The following PCDH11X variants were observed in gnomAD, a reference collection of about 807,000 sequenced individuals.
PCDH11X encodes the protein protocadherin-11 X-linked.
A neutral mutation model predicts 53.3 loss-of-function variants in PCDH11X; 18 were observed. The ratio of observed to expected loss-of-function variants is 0.34; its 90% CI spans 0.23 to 0.50. The LOEUF is 0.50. PCDH11X is among the 20% of genes least tolerant of loss of function. The pLI, the probability that PCDH11X is intolerant of heterozygous loss-of-function variation, is 0.98. For missense variants in PCDH11X, 570 were observed against 1,032.4 expected, an observed-to-expected ratio of 0.55 and a Z score of 6.14; for synonymous variants, 279 against 393.3, an observed-to-expected ratio of 0.71 and a Z score of 3.44.
chrX:92,060,543 G>A (rs993083742), intron 6 of PCDH11X, among the ~76,000 whole-genome samples: 7 of 109,765 alleles, frequency 6.4e-5, no homozygotes, highest in African/African-American at 2.3e-4. Flanking sequence ...GTGTCCATGT[G>A]TATTCAATGA....
chrX:92,277,428 G>A (rs905185577), intron 8 of PCDH11X, among the ~76,000 whole-genome samples: 17 of 110,691 alleles, frequency 1.5e-4, no homozygotes, highest in Non-Finnish European at 2.1e-4. Context: ...GTTTTAGGTC[G>A]GGTGTGAGTT....
At chrX:92,444,518 T>C (rs1429392819) in intron 9 of PCDH11X, among the ~76,000 whole-genome samples, 1 of 108,817 alleles carries the variant, frequency 9.2e-6, no homozygotes, top group Non-Finnish European at 1.9e-5. Context: ...TCCTATTTGG[T>C]TGACTTTTGT....
intron 6 of PCDH11X, among the ~76,000 whole-genome samples, chrX:91,999,719 T>C (rs1471604712): frequency 9.2e-6 from 1 of 109,222 alleles, no homozygotes; most frequent in East Asian, 2.9e-4. Context: ...TGGAATCAGA[T>C]GGTGAGAAGA....
At chrX:92,248,823 T>C (rs1216849578) in intron 7 of PCDH11X, among the ~76,000 whole-genome samples, 1 of 110,862 alleles carries the variant, frequency 9.0e-6, no homozygotes, top group Non-Finnish European at 1.9e-5. Context: ...TGCCTCTGCC[T>C]CCTGAGTAGC....
intron 8 of PCDH11X, among the ~76,000 whole-genome samples, chrX:92,292,060 G>A (rs2068504820): frequency 9.0e-6 from 1 of 111,292 alleles, no homozygotes; most frequent in South Asian, 3.7e-4. Flanking sequence ...AATAAAATGT[G>A]GACCATAATA....
intron 6 of PCDH11X, among the ~76,000 whole-genome samples, chrX:92,134,975 AGG>A (rs2065060533): frequency 9.0e-6 from 1 of 111,109 alleles, no homozygotes; most frequent in Non-Finnish European, 1.9e-5. Flanking sequence ...GCAGCCCAGT[AGG>A]ACTCAGTCTC....
chrX:92,185,334 T>G (rs1048753044), intron 6 of PCDH11X, among the ~76,000 whole-genome samples: 3 of 111,385 alleles, frequency 2.7e-5, no homozygotes, highest in Non-Finnish European at 3.8e-5. Context: ...ACTAGACTCA[T>G]ATCTCGCCAT....
intron 6 of PCDH11X, among the ~76,000 whole-genome samples, chrX:91,964,415 A>G (rs2061836569): frequency 9.0e-6 from 1 of 110,944 alleles, no homozygotes; most frequent in African/African-American, 3.3e-5. Context: ...CTTGCCTAAG[A>G]CTTGTTATTT....
intron 8 of PCDH11X, among the ~76,000 whole-genome samples, chrX:92,370,301 C>T (rs1265653954): frequency 9.3e-6 from 1 of 107,126 alleles, no homozygotes; most frequent in East Asian, 2.9e-4. Context: ...GTATTAATTA[C>T]TATTAGTTTT....
chrX:91,786,271 C>A (rs1935331589), intron 1 of PCDH11X, among the ~76,000 whole-genome samples: 1 of 107,730 alleles, frequency 9.3e-6, no homozygotes, highest in Admixed American at 1.0e-4. Context: ...TTTTGTACAC[C>A]TAATCTGCTC....
intron 10 of PCDH11X, among the ~76,000 whole-genome samples, chrX:92,592,761 C>T (rs1221770676): frequency 9.0e-6 from 1 of 111,552 alleles, no homozygotes; most frequent in Non-Finnish European, 1.9e-5. Context: ...GATTCAAATG[C>T]CAGAAATATT....
rs866638207 is a variant in PCDH11X at position 92,466,463 on chromosome X, G to T, written c.3344-1836G>T. Among the ~76,000 whole-genome samples, 67 of 107,387 alleles carry T rather than the reference G, an allele frequency of 6.2e-4. 1 individual carries two copies. Among genetic ancestry groups the T allele is most frequent in the African/African-American group, 2.1e-3 (62 of 29,625 alleles). 93.3% of individuals were successfully genotyped at this position (107,387 alleles called of 115,157 possible). A position where few individuals can be genotyped will look rare whatever the true frequency, so the allele number is the denominator to read the frequency against. On this transcript the variant is annotated intron_variant, in intron 9 of 10. Coordinates refer to ENST00000682573, the MANE Select transcript of PCDH11X (RefSeq NM_032968.5). The stretch of plus-strand genomic sequence containing the variant: ...GTTGTTAGTATATAAGATATATATA[G>T]ATATATATATATACTCCCTTACAGT...
Position 92,619,791 on chromosome X carries a change from T to C in PCDH11X, c.*851T>C, listed in dbSNP as rs1928355595. On this transcript the variant is annotated 3_prime_UTR_variant, in exon 11 of 11. Transcript: ENST00000682573. ...CCTGTAGTCCATTATTACTTGGGTC[T>C]TTACTTCTGGGAATTTGTATGTAAC... is the stretch of plus-strand genomic sequence containing the variant. The C allele has an allele frequency of 9.1e-6, 1 of 110,220 alleles. No homozygotes were observed. Among genetic ancestry groups the C allele is most frequent in the Non-Finnish European group, 1.9e-5 (1 of 52,744 alleles). The allele number at this position is 110,220 out of a possible 1,213,427, so 9.1% of individuals were successfully genotyped here.
At chrX:92,602,084 A>G (rs1282361024) in intron 10 of PCDH11X, among the ~76,000 whole-genome samples, 1 of 111,948 alleles carries the variant, frequency 8.9e-6, no homozygotes, top group African/African-American at 3.3e-5. Flanking sequence ...TGCATCTAAA[A>G]GAAGCAGGCT....
At chrX:92,134,091 G>A (rs1185034555) in intron 6 of PCDH11X, among the ~76,000 whole-genome samples, 3 of 111,153 alleles carry the variant, frequency 2.7e-5, no homozygotes, top group Non-Finnish European at 3.8e-5. Flanking sequence ...AGCATTTCAC[G>A]GAATGCACAA....
chrX:92,151,586 A>G (rs1240932237), intron 6 of PCDH11X, among the ~76,000 whole-genome samples: 16 of 111,526 alleles, frequency 1.4e-4, no homozygotes, highest in African/African-American at 5.2e-4. Flanking sequence ...TTGGCATATT[A>G]TATTTATTTT....
intron 6 of PCDH11X, among the ~76,000 whole-genome samples, chrX:92,139,250 TTTTC>T (rs1308353324): frequency 3.0e-4 from 32 of 105,226 alleles, no homozygotes; most frequent in Non-Finnish European, 4.0e-4. Flanking sequence ...GTCTTTTTCT[TTTTC>T]TTTCTTTCTT....
At chrX:92,128,531 G>T (rs1266519621) in intron 6 of PCDH11X, among the ~76,000 whole-genome samples, 1 of 108,630 alleles carries the variant, frequency 9.2e-6, no homozygotes, top group African/African-American at 3.4e-5. Flanking sequence ...CAGAGTAGCT[G>T]GGATTACAGG....
intron 10 of PCDH11X, among the ~76,000 whole-genome samples, chrX:92,526,016 C>A (rs961438386): frequency 9.0e-6 from 1 of 111,698 alleles, no homozygotes; most frequent in Non-Finnish European, 1.9e-5. Context: ...GTAGCCAAAT[C>A]TTTTTCAGGT....
Sources: gnomAD v4.1 joint callset for allele counts (sites outside exome capture counted in the v4.1 genomes callset) on GRCh38, gnomAD v4.1.1 for gene constraint, MANE v1.5 for transcripts, NCBI Gene and HGNC (gene_info 2026-07-23, HGNC 2026-07-21) for gene names.